JADE1: variants seen among roughly 807,000 people sequenced by gnomAD.
JADE1 encodes jade family PHD finger 1.
A neutral mutation model predicts 81.8 loss-of-function variants in JADE1; 14 were observed. The ratio of observed to expected loss-of-function variants is 0.17; its 90% CI spans 0.11 to 0.27. The LOEUF (loss-of-function observed/expected upper bound fraction) is 0.27. Ranked by LOEUF, JADE1 falls within the 10% of genes least tolerant of loss-of-function variation. The probability of loss-of-function intolerance (pLI) is 1.00; values close to 1 mark genes in which losing one functional copy is unlikely to be tolerated. For missense variants in JADE1, 690 were observed against 1,047.9 expected (o/e 0.66, Z 4.71); for synonymous variants, 353 against 391.9 (o/e 0.90, Z 1.17).
intron 3 of JADE1, among the ~76,000 whole-genome samples, chr4:128,844,807 T>C (rs1296501331): frequency 6.6e-6 from 1 of 152,144 alleles, no homozygotes; most frequent in East Asian, 1.9e-4. Context: ...TACTGGGGAA[T>C]AGTCCGTATG....
chr4:128,845,533 A>G (rs554175199), intron 3 of JADE1, among the ~76,000 whole-genome samples: 1 of 152,280 alleles, frequency 6.6e-6, no homozygotes, highest in East Asian at 1.9e-4. Flanking sequence ...TTTCTAGGCC[A>G]GCCCAGACCT....
At chr4:128,861,461 T>TG (rs1387674718) in intron 8 of JADE1, among the ~76,000 whole-genome samples, 1 of 152,196 alleles carries the variant, frequency 6.6e-6, no homozygotes, top group Non-Finnish European at 1.5e-5. Flanking sequence ...GCCCAAGAGT[T>TG]GGAGACCAAC....
At chr4:128,861,468 C>T (rs1424232455) in intron 8 of JADE1, among the ~76,000 whole-genome samples, 1 of 152,142 alleles carries the variant, frequency 6.6e-6, no homozygotes, top group Non-Finnish European at 1.5e-5. Flanking sequence ...AGTTGGAGAC[C>T]AACTTAGGCA....
At chr4:128,813,970 G>T (rs1726748552) in intron 1 of JADE1, among the ~76,000 whole-genome samples, 1 of 151,782 alleles carries the variant, frequency 6.6e-6, no homozygotes, top group Non-Finnish European at 1.5e-5. Flanking sequence ...AGTACAGACT[G>T]CTTACTAGTA....
chr4:128,863,040 G>A (rs1731489086), intron 9 of JADE1: 1 of 985,304 alleles, frequency 1.0e-6, no homozygotes, highest in Admixed American at 6.2e-5. Context: ...CTACAGATGT[G>A]TTGTTTGTCA....
chr4:128,836,551 G>A (rs757718162), intron 2 of JADE1, among the ~76,000 whole-genome samples: 2 of 152,058 alleles, frequency 1.3e-5, no homozygotes, highest in Admixed American at 6.6e-5. Context: ...AAATTCTCAC[G>A]TAAGTGAACT....
In JADE1 at chr4:128,874,777, A is replaced by ATCTT. The variant is rs371243749; in HGVS notation, c.*2517_*2520dup. 1.1e-4 allele frequency: 17 copies of ATCTT among 152,730 alleles called. No homozygotes were observed. The highest frequency in any genetic ancestry group is 4.1e-4 in the African/African-American group (17 of 41,588). The allele number at this position is 152,730 out of a possible 1,614,324, so 9.5% of individuals were successfully genotyped here. A position where few individuals can be genotyped will look rare whatever the true frequency, so the allele number is the denominator to read the frequency against. On this transcript the variant is annotated 3_prime_UTR_variant, in exon 11 of 11. Transcript: ENST00000226319. ...TCCTTGTGCATCCTGACCAAGAAAT[A>ATCTT]TCTTTGATTATGATTAATGTATTAT...
chr4:128,870,200 A>G (rs1732087887), intron 10 of JADE1, among the ~76,000 whole-genome samples: 1 of 152,178 alleles, frequency 6.6e-6, no homozygotes, highest in East Asian at 1.9e-4. Context: ...GTTGATTCTA[A>G]TGATTGATTC....
intron 1 of JADE1, among the ~76,000 whole-genome samples, chr4:128,820,686 CTTT>C (rs71589007): frequency 6.9e-6 from 1 of 144,712 alleles, no homozygotes. Context: ...GAGTCTCTCT[CTTT>C]TTTTTTTTTA....
intron 9 of JADE1, chr4:128,863,500 G>T (rs1431040268): frequency 1.1e-5 from 11 of 985,320 alleles, no homozygotes; most frequent in Non-Finnish European, 1.3e-5. Flanking sequence ...AGAAGTGAAA[G>T]TCTTAAAGGG....
intron 1 of JADE1, among the ~76,000 whole-genome samples, chr4:128,821,036 T>C (rs1727518417): frequency 6.6e-6 from 1 of 152,240 alleles, no homozygotes; most frequent in African/African-American, 2.4e-5. Flanking sequence ...GCACTTGGTT[T>C]TCCTAAAGTG....
rs1016306425 is a variant in JADE1 at position 128,846,947 on chromosome 4, C to T, written c.296+415C>T. 2.6e-5 allele frequency among the ~76,000 whole-genome samples: 4 copies of T among 152,230 alleles called. No homozygotes were observed. The highest frequency in any genetic ancestry group is 5.9e-5 in the Non-Finnish European group (4 of 68,044). ...TGGCTTTGTTGGGAACTAGCGCGGG[C>T]AGCTGCTCTGCCTACTGCGGTTGCC... On this transcript the variant is annotated intron_variant, in intron 4 of 10. Coordinates refer to ENST00000226319, the MANE Select transcript of JADE1 (RefSeq NM_199320.4). The surrounding 1 kb of genome is among the most constrained non-coding windows in gnomAD (Gnocchi z 4.0).
chr4:128,818,280 C>T (rs1185595055), intron 1 of JADE1, among the ~76,000 whole-genome samples: 1 of 152,054 alleles, frequency 6.6e-6, no homozygotes, highest in Non-Finnish European at 1.5e-5. Context: ...GCCACCATGC[C>T]CTGCTAATTT....
chr4:128,833,331 A>G (rs1728703427), intron 2 of JADE1, among the ~76,000 whole-genome samples: 1 of 152,188 alleles, frequency 6.6e-6, no homozygotes, highest in Non-Finnish European at 1.5e-5. Flanking sequence ...TGTGGCGCCT[A>G]TCAAAGTGTC....
chr4:128,859,437 ATG>A lies in JADE1; in HGVS notation c.981+1989_981+1990del, dbSNP rs369807114. Among the ~76,000 whole-genome samples the A allele has an allele frequency of 1.3e-3, 193 of 152,052 alleles. 4 individuals are homozygous for A. The South Asian group carries it at 0.028, about 22-fold the overall frequency. On this transcript the variant is annotated intron_variant, in intron 8 of 10. Coordinates refer to ENST00000226319, the MANE Select transcript of JADE1 (RefSeq NM_199320.4). The stretch of plus-strand genomic sequence containing the variant: ...TGTATGCATGTGTGCATATGTATGC[ATG>A]TGTGTATGCGCGTGAGTGCGTGAGT...
At chr4:128,810,474 T>TA in intron 1 of JADE1, 1 of 139,448 alleles carries the variant, frequency 7.2e-6, no homozygotes, top group Non-Finnish European at 1.5e-5. Context: ...TTTTTTTTTT[T>TA]AGAAAGCCAA....
At chr4:128,839,621 A>G (rs1270647114) in intron 2 of JADE1, among the ~76,000 whole-genome samples, 6 of 152,178 alleles carry the variant, frequency 3.9e-5, no homozygotes, top group African/African-American at 7.2e-5. Context: ...TTGCATTTCT[A>G]GAGTTGTATG....
chr4:128,827,932 A>G (rs1474358867), intron 1 of JADE1: 2 of 981,218 alleles, frequency 2.0e-6, no homozygotes, highest in African/African-American at 3.5e-5. Flanking sequence ...TCTGCCCCAA[A>G]CATGCCCCTT....
intron 1 of JADE1, among the ~76,000 whole-genome samples, chr4:128,829,744 G>A (rs1728376871): frequency 6.6e-6 from 1 of 152,236 alleles, no homozygotes; most frequent in South Asian, 2.1e-4. Context: ...TTTAACAGAG[G>A]GTGATAAATT....
Sources: gnomAD v4.1 joint callset for allele counts (sites outside exome capture counted in the v4.1 genomes callset) on GRCh38, gnomAD v4.1.1 for gene constraint, Gnocchi (gnomAD v3.1) non-coding constraint, MANE v1.5 for transcripts, NCBI Gene and HGNC (gene_info 2026-07-23, HGNC 2026-07-21) for gene names.